The following CACNA2D3 variants were observed in gnomAD, a reference collection of about 807,000 sequenced individuals.
The protein encoded by CACNA2D3 is voltage-dependent calcium channel subunit alpha-2/delta-3.
In CACNA2D3, 60 loss-of-function variants were observed where a neutral mutation model predicts 160.6. That is an observed-to-expected ratio of 0.37 (90% CI 0.30 to 0.46). The LOEUF (loss-of-function observed/expected upper bound fraction) is 0.46, where lower values mean the gene tolerates loss of function less well. CACNA2D3 is among the 20% of genes least tolerant of loss of function. CACNA2D3 has a pLI of 1.00. For missense variants in CACNA2D3, 1,205 were observed against 1,365.0 expected, an observed-to-expected ratio of 0.88 and a Z score of 1.85; for synonymous variants, 558 against 492.9, an observed-to-expected ratio of 1.13 and a Z score of -1.75.
chr3:54,532,587 A>T (rs759287052), intron 5 of CACNA2D3, among the ~76,000 whole-genome samples: 3 of 152,228 alleles, frequency 2.0e-5, no homozygotes, highest in Admixed American at 6.5e-5. Context: ...TCCACTGAAG[A>T]TAATGGCCTC....
At chr3:54,990,450 G>T (rs1156893561) in intron 31 of CACNA2D3, among the ~76,000 whole-genome samples, 1 of 152,194 alleles carries the variant, frequency 6.6e-6, no homozygotes, top group Non-Finnish European at 1.5e-5. Flanking sequence ...AGAATTGCTT[G>T]AACCTGGGAG....
Position 54,250,523 on chromosome 3 carries a change from T to A in CACNA2D3, c.205-69919T>A, listed in dbSNP as rs149747180. On this transcript the variant is annotated intron_variant, in intron 2 of 37. Transcript: ENST00000474759. ...ATTATAGCTCACTGTAGCCTCAAAC[T>A]CCTGGGCTCAAGTGATCCTCTCACC... 6.8e-3 allele frequency among the ~76,000 whole-genome samples: 1,030 copies of A among 152,154 alleles called. 14 individuals are homozygous for A. The highest frequency in any genetic ancestry group is 0.023 in the African/African-American group (973 of 41,500).
intron 10 of CACNA2D3, chr3:54,634,525 G>A (rs1434943142): frequency 3.9e-5 from 6 of 152,212 alleles, no homozygotes; most frequent in Non-Finnish European, 8.8e-5. Context: ...CAGGCTTTGT[G>A]TGAGCAACAA....
chr3:54,745,243 C>T (rs1234885426), intron 11 of CACNA2D3, among the ~76,000 whole-genome samples: 3 of 152,058 alleles, frequency 2.0e-5, no homozygotes, highest in Admixed American at 6.6e-5. Context: ...CCAGGCTTAG[C>T]GTTGGACAGT....
At chr3:54,325,758 T>G (rs1704109579) in intron 3 of CACNA2D3, among the ~76,000 whole-genome samples, 1 of 152,236 alleles carries the variant, frequency 6.6e-6, no homozygotes, top group Non-Finnish European at 1.5e-5. Context: ...AAACACAAGT[T>G]GTAGCTAGAC....
At chr3:55,022,904 T>G (rs1198307916) in intron 35 of CACNA2D3, among the ~76,000 whole-genome samples, 4 of 152,098 alleles carry the variant, frequency 2.6e-5, no homozygotes, top group African/African-American at 9.7e-5. Flanking sequence ...TACTGTGTTT[T>G]TAACCCATGA....
chr3:54,872,749 G>T lies in CACNA2D3; in HGVS notation c.1710+1127G>T, dbSNP rs886065189. Among the ~76,000 whole-genome samples the T allele has an allele frequency of 2.6e-5, 4 of 152,166 alleles. No homozygotes were observed. In the East Asian group the frequency reaches 7.7e-4, roughly 29 times the overall value. ...CTCTTTTCTTCTTCATCTGCTCTAA[G>T]TCTACTTAAACCCAAGTTTAGACAA... On this transcript the variant is annotated intron_variant, in intron 18 of 37. Coordinates refer to ENST00000474759, the MANE Select transcript of CACNA2D3 (RefSeq NM_018398.3).
chr3:54,918,327 T>C, intron 27 of CACNA2D3: 1 of 345,710 alleles, frequency 2.9e-6, no homozygotes, highest in Non-Finnish European at 4.5e-6. Context: ...ACATCTTTTT[T>C]TTTTCTTTTT....
intron 13 of CACNA2D3, among the ~76,000 whole-genome samples, chr3:54,782,950 C>A (rs948661065): frequency 1.3e-5 from 2 of 152,110 alleles, no homozygotes; most frequent in East Asian, 3.9e-4. Context: ...GCACACCAGA[C>A]CCTGTGTTAC....
Position 54,494,970 on chromosome 3 carries a change from G to A in CACNA2D3, c.382-8522G>A, listed in dbSNP as rs115368489. Among the ~76,000 whole-genome samples, 550 of 152,210 alleles carry A rather than the reference G, an allele frequency of 3.6e-3. 7 individuals are homozygous for A. The highest frequency in any genetic ancestry group is 0.012 in the African/African-American group (518 of 41,534). On this transcript the variant is annotated intron_variant, in intron 4 of 37. Coordinates refer to ENST00000474759, the MANE Select transcript of CACNA2D3 (RefSeq NM_018398.3). ...TCACCTCCCATCAGGTCCCTCCCTC[G>A]ACACCTGGGAATTATAATTTGGATT...
At chr3:54,989,488 C>G (rs1702691522) in intron 31 of CACNA2D3, among the ~76,000 whole-genome samples, 1 of 152,176 alleles carries the variant, frequency 6.6e-6, no homozygotes, top group African/African-American at 2.4e-5. Flanking sequence ...CTTTGACGGG[C>G]CTCCTCACTG....
chr3:54,783,047 A>G (rs1575473111), intron 13 of CACNA2D3, among the ~76,000 whole-genome samples: 1 of 152,016 alleles, frequency 6.6e-6, no homozygotes, highest in East Asian at 1.9e-4. Context: ...GATTTTGCCT[A>G]AGGAAATGGG....
rs1553891454 is a variant in CACNA2D3 at position 54,859,972 on chromosome 3, G to GCACACACACA, written c.1627-11534_1627-11525dup. Among the ~76,000 whole-genome samples the GCACACACACA allele has an allele frequency of 6.5e-3, 875 of 133,836 alleles. 8 individuals carry two copies. The highest frequency in any genetic ancestry group is 9.4e-3 in the African/African-American group (336 of 35,922). 87.8% of individuals were successfully genotyped at this position (133,836 alleles called of 152,430 possible). On this transcript the variant is annotated intron_variant, in intron 17 of 37. Transcript: ENST00000474759. Reference sequence around the variant, plus strand: ...TTAGAACATCATCTGGAAAGTAGATGCACACACACACACACACACACACAC... The same window carrying GCACACACACA: ...TTAGAACATCATCTGGAAAGTAGATGCACACACACACACACACACACACACACACACACAC...
chr3:54,415,814 T>C (rs183510669), intron 4 of CACNA2D3, among the ~76,000 whole-genome samples: 155 of 152,322 alleles, frequency 1.0e-3, no homozygotes, highest in African/African-American at 3.3e-3. Flanking sequence ...CACCTAAGTC[T>C]TTCTGGCTTC....
chr3:54,761,105 C>T (rs1485338522), intron 12 of CACNA2D3, among the ~76,000 whole-genome samples: 1 of 152,188 alleles, frequency 6.6e-6, no homozygotes, highest in Non-Finnish European at 1.5e-5. Flanking sequence ...CCCTCCCACC[C>T]TCCTCCTTAA....
chr3:54,357,925 G>T (rs1044869668), intron 3 of CACNA2D3, among the ~76,000 whole-genome samples: 2 of 152,288 alleles, frequency 1.3e-5, no homozygotes, highest in Non-Finnish European at 2.9e-5. Flanking sequence ...AAGCAGAGAC[G>T]AATAGAATAG....
chr3:54,307,290 A>T (rs952421289), intron 2 of CACNA2D3, among the ~76,000 whole-genome samples: 1 of 152,198 alleles, frequency 6.6e-6, no homozygotes, highest in Non-Finnish European at 1.5e-5. Context: ...ATGTCTTCGC[A>T]TCTCAGCGTA....
chr3:54,315,141 G>T (rs1408735622), intron 2 of CACNA2D3, among the ~76,000 whole-genome samples: 1 of 152,180 alleles, frequency 6.6e-6, no homozygotes, highest in Non-Finnish European at 1.5e-5. Context: ...TGGTACTTTA[G>T]GGAACAGAAG....
chr3:54,239,854 C>G (rs541861224), intron 2 of CACNA2D3, among the ~76,000 whole-genome samples: 3 of 152,276 alleles, frequency 2.0e-5, no homozygotes, highest in African/African-American at 7.2e-5. Flanking sequence ...AATATGACTA[C>G]AATAACTATC....
Sources: allele counts gnomAD v4.1 joint callset (sites outside exome capture counted in the v4.1 genomes callset), GRCh38; gene constraint gnomAD v4.1.1; transcripts MANE v1.5; gene names NCBI Gene and HGNC (gene_info 2026-07-23, HGNC 2026-07-21).